The following DHX9 variants were observed in gnomAD, a reference collection of about 807,000 sequenced individuals.
DHX9 encodes DExH-box helicase 9.
In DHX9, 27 loss-of-function variants were observed where a neutral mutation model predicts 148.7. The observed-to-expected ratio is 0.18, with a 90% CI of 0.13 to 0.25. DHX9 has a LOEUF of 0.25. Among genes scored for constraint, DHX9 ranks in the 10% least tolerant of loss-of-function variants. The probability of loss-of-function intolerance (pLI) is 1.00; values close to 1 mark genes in which losing one functional copy is unlikely to be tolerated. For missense variants in DHX9, 796 were observed against 1,559.6 expected (o/e 0.51, Z 8.25); for synonymous variants, 529 against 516.6 (o/e 1.02, Z -0.33).
chr1:182,866,121 A>G (rs570274968), intron 12 of DHX9, among the ~76,000 whole-genome samples: 5 of 152,284 alleles, frequency 3.3e-5, no homozygotes, highest in African/African-American at 1.2e-4. Context: ...ATAATTTTCT[A>G]AAACTGTTTT....
intron 13 of DHX9, 42 bp downstream of exon 13, chr1:182,866,627 T>C: frequency 1.3e-6 from 2 of 1,582,252 alleles, no homozygotes; most frequent in South Asian, 2.3e-5. Flanking sequence ...GTTTATATTG[T>C]GGTTGTGAAG....
intron 26 of DHX9, among the ~76,000 whole-genome samples, chr1:182,884,073 G>T (rs184219603): frequency 3.3e-5 from 5 of 152,268 alleles, no homozygotes; most frequent in Admixed American, 3.3e-4. Context: ...GGAAGTTCAA[G>T]ATCAGCCTGG....
At chr1:182,877,077 G>A (rs1414159034) in intron 19 of DHX9, 174 bp downstream of exon 19, 4 of 500,938 alleles carry the variant, frequency 8.0e-6, no homozygotes, top group Non-Finnish European at 1.4e-5. Flanking sequence ...AATTATTGTT[G>A]ATTACTGCAA....
chr1:182,875,037 A>G (rs1477717966), intron 16 of DHX9, 83 bp downstream of exon 16: 30 of 1,081,102 alleles, frequency 2.8e-5, no homozygotes, highest in Admixed American at 1.5e-4. Flanking sequence ...CATGCAATGT[A>G]TTAGCATTAC....
intron 27 of DHX9, among the ~76,000 whole-genome samples, chr1:182,886,293 TCAA>T (rs1437502470): frequency 2.0e-5 from 3 of 152,052 alleles, no homozygotes; most frequent in Non-Finnish European, 4.4e-5. Flanking sequence ...CCTTCTGGGT[TCAA>T]GTGATCCTCC....
intron 3 of DHX9, among the ~76,000 whole-genome samples, chr1:182,848,222 C>T (rs978325612): frequency 6.6e-6 from 1 of 152,238 alleles, no homozygotes; most frequent in Non-Finnish European, 1.5e-5. Flanking sequence ...CTCCGTAACA[C>T]TTACTTTTTA....
intron 12 of DHX9, among the ~76,000 whole-genome samples, chr1:182,861,147 A>T (rs1279481671): frequency 1.3e-5 from 2 of 152,212 alleles, no homozygotes; most frequent in Non-Finnish European, 2.9e-5. Context: ...GTATAATTGT[A>T]TAATTAGTAT....
At chr1:182,875,372 T>C (rs888031700) in intron 16 of DHX9, among the ~76,000 whole-genome samples, 5 of 152,186 alleles carry the variant, frequency 3.3e-5, no homozygotes, top group African/African-American at 1.2e-4. Flanking sequence ...CCTCAGGTGA[T>C]CTGTATATAC....
chr1:182,864,674 T>G (rs1648211482), intron 12 of DHX9, among the ~76,000 whole-genome samples: 1 of 152,214 alleles, frequency 6.6e-6, no homozygotes, highest in Admixed American at 6.5e-5. Flanking sequence ...GGAAAGAGAT[T>G]GCGGGGTCAT....
chr1:182,879,493 T>G (rs1648984507), intron 21 of DHX9, 83 bp downstream of exon 21: 1 of 1,269,486 alleles, frequency 7.9e-7, no homozygotes, highest in South Asian at 2.7e-5. Flanking sequence ...TACAAATGAA[T>G]CAAGATGATG....
Position 182,858,223 on chromosome 1 carries a change from A to G in DHX9, c.793A>G (p.Lys265Glu). Residue 265 changes from lysine (K) to glutamate (E), a missense_variant, in exon 8 of 28, where the codon AAG becomes GAG. This residue lies in a region of DHX9 where 63 missense variants were observed against 78.6 expected (regional missense o/e 0.80). Coordinates refer to ENST00000367549, the MANE Select transcript of DHX9 (RefSeq NM_001357.5). ...VVEAYSGLTK[K>E]KEGETVEPYK... is the part of the protein sequence containing the mutation. Reference sequence around the variant, plus strand: ...TGAAGCTTACTCCGGACTTACAAAGAAGAAGGAAGGAGAGACAGTGAGTCT... The same window carrying G: ...TGAAGCTTACTCCGGACTTACAAAGGAGAAGGAAGGAGAGACAGTGAGTCT... The G allele has an allele frequency of 6.2e-7, 1 of 1,613,792 alleles. No individual in the cohort carries two copies. Among genetic ancestry groups the G allele is most frequent in the Non-Finnish European group, 8.5e-7 (1 of 1,179,920 alleles).
At chr1:182,848,799 A>G (rs903814914) in intron 3 of DHX9, among the ~76,000 whole-genome samples, 1 of 152,198 alleles carries the variant, frequency 6.6e-6, no homozygotes, top group Admixed American at 6.5e-5. Flanking sequence ...AGGCCTCAGT[A>G]AACTTAGAAT....
In DHX9 at chr1:182,874,874, A is replaced by G; in HGVS notation, c.1735A>G (p.Ile579Val). The G allele has an allele frequency of 6.2e-7, 1 of 1,612,544 alleles. No homozygotes were observed. The highest frequency in any genetic ancestry group is 8.5e-7 in the Non-Finnish European group (1 of 1,179,248). ...PVQEYFLEDC[I>V]QMTHFVPPPK... The stretch of plus-strand genomic sequence containing the variant: ...GGCAGAATATTTTCTGGAAGACTGC[A>G]TTCAGATGACCCACTTTGTTCCTCC... Residue 579 changes from isoleucine (I) to valine (V), a missense_variant, in exon 16 of 28, where the codon ATT becomes GTT. Physicochemically the swap from Ile to Val is conservative, Grantham distance 29. Coordinates refer to ENST00000367549, the MANE Select transcript of DHX9 (RefSeq NM_001357.5).
chr1:182,880,280 A>G (rs1649029018), intron 21 of DHX9, among the ~76,000 whole-genome samples: 1 of 152,178 alleles, frequency 6.6e-6, no homozygotes. Flanking sequence ...TTTATAACCT[A>G]CAGGATTTAG....
rs1195820082 is a variant in DHX9 at position 182,876,796 on chromosome 1, TA to T, written c.2125-33del. ...AGTCCTTTTAAGTAACTAATAAGAATATTTTCTGGAGTGTAATTTTTCTTTC... is the reference window on the plus strand; with the variant it reads ...AGTCCTTTTAAGTAACTAATAAGAATTTTTCTGGAGTGTAATTTTTCTTTC... On this transcript the variant is annotated intron_variant, in intron 18 of 27. Coordinates refer to ENST00000367549, the MANE Select transcript of DHX9 (RefSeq NM_001357.5). 2.7e-6 allele frequency: 4 copies of T among 1,504,740 alleles called. No individual in the cohort carries two copies. In the African/African-American group the frequency reaches 5.5e-5, roughly 21 times the overall value. The allele number at this position is 1,504,740 out of a possible 1,614,324, so 93.2% of individuals were successfully genotyped here.
intron 3 of DHX9, among the ~76,000 whole-genome samples, chr1:182,847,733 GC>G (rs1400274902): frequency 6.6e-6 from 1 of 152,170 alleles, no homozygotes; most frequent in Middle Eastern, 3.2e-3. Flanking sequence ...CTTCTCTCAG[GC>G]TAAAAGCTAC....
intron 14 of DHX9, among the ~76,000 whole-genome samples, chr1:182,868,520 C>CGT (rs374839924): frequency 2.4e-5 from 3 of 127,522 alleles, no homozygotes; most frequent in African/African-American, 1.1e-4. Flanking sequence ...ATTTTAATTC[C>CGT]TTTTTTTTTT....
At position 182,854,083 on chromosome 1, in the gene DHX9, C is replaced by T. The variant is rs998306491; in HGVS notation, c.531C>T (p.Thr177=). 1.2e-6 allele frequency: 2 copies of T among 1,613,164 alleles called. No individual in the cohort carries two copies. Among genetic ancestry groups the T allele is most frequent in the Non-Finnish European group, 8.5e-7 (1 of 1,179,884 alleles). ...ATGCTGGGCTTCATGGAAACTGGAC[C>T]TTGGAAAATGCTAAAGCTCGTCTAA... ...DLNAGLHGNW[T]LENAKARLNQ... Residue 177 remains threonine, a synonymous_variant, in exon 6 of 28, where the codon ACC becomes ACT. Transcript: ENST00000367549.
chr1:182,862,938 G>C (rs1473558010), intron 12 of DHX9, among the ~76,000 whole-genome samples: 1 of 152,234 alleles, frequency 6.6e-6, no homozygotes, highest in Admixed American at 6.5e-5. Context: ...AAAGCAGACA[G>C]AAGTGTGGGG....
Sources: allele counts gnomAD v4.1 joint callset (sites outside exome capture counted in the v4.1 genomes callset), GRCh38; gene constraint gnomAD v4.1.1; regional missense constraint gnomAD v4.1.1; transcripts MANE v1.5; gene names NCBI Gene and HGNC (gene_info 2026-07-23, HGNC 2026-07-21).